The following TECR variants were observed in gnomAD, a reference collection of about 807,000 sequenced individuals.
TECR encodes the protein trans-2,3-enoyl-CoA reductase.
TECR carries 19 observed loss-of-function variants against 50.6 expected under a neutral mutation model. That is an observed-to-expected ratio of 0.38 (90% CI 0.26 to 0.55). The LOEUF (loss-of-function observed/expected upper bound fraction) is 0.55, where lower values mean the gene tolerates loss of function less well. Ranked by LOEUF, TECR falls within the 20% of genes least tolerant of loss-of-function variation. TECR has a pLI of 0.79. For missense variants in TECR, 313 were observed against 408.3 expected (o/e 0.77, Z 2.01); for synonymous variants, 168 against 163.5 (o/e 1.03, Z -0.21).
Position 14,545,506 on chromosome 19 carries a change from G to A in TECR, c.15+15795G>A, listed in dbSNP as rs115781502. 8.4e-3 allele frequency among the ~76,000 whole-genome samples: 1,282 copies of A among 152,254 alleles called. 11 individuals carry two copies. Among genetic ancestry groups the A allele is most frequent in the African/African-American group, 0.026 (1,098 of 41,532 alleles). On this transcript the variant is annotated intron_variant, in intron 1 of 12. Coordinates refer to ENST00000215567, the MANE Select transcript of TECR (RefSeq NM_138501.6). ...GTCCCCTTGAGCACCAGCAAGCCTA[G>A]GGGGTGGGGGGGATAGCCTCTCTCA...
upstream of TECR, among the ~76,000 whole-genome samples, chr19:14,528,460 G>C (rs548425981): frequency 6.6e-6 from 1 of 150,772 alleles, no homozygotes; most frequent in East Asian, 2.0e-4. Context: ...GGCTGGTCTC[G>C]AACTCCTCAC....
Position 14,565,653 on chromosome 19 carries a change from G to A in TECR, c.789G>A (p.Gln263=). Reference sequence around the variant, plus strand: ...GGATCGGTTTCGCCATCATGACGCAGTGTCTCCCAGGTGAGCCTGCCGCCC... The same window carrying A: ...GGATCGGTTTCGCCATCATGACGCAATGTCTCCCAGGTGAGCCTGCCGCCC... ...GSWIGFAIMT[Q]CLPVALFSLV... The change falls in exon 12 of 13, where the codon CAG becomes CAA. Residue 263 remains glutamine (Q), a synonymous_variant. Coordinates refer to ENST00000215567, the MANE Select transcript of TECR (RefSeq NM_138501.6). 1 of 1,612,550 alleles carries A rather than the reference G, an allele frequency of 6.2e-7. No individual in the cohort carries two copies. The highest frequency in any genetic ancestry group is 1.1e-5 in the South Asian group (1 of 91,042).
At chr19:14,559,631 C>CA (rs2073845251) in intron 1 of TECR, among the ~76,000 whole-genome samples, 3 of 152,006 alleles carry the variant, frequency 2.0e-5, no homozygotes. Flanking sequence ...TCCTAAAATA[C>CA]AAAAAATTAG....
At chr19:14,555,546 A>AGT (rs938613610) in intron 1 of TECR, among the ~76,000 whole-genome samples, 4 of 145,886 alleles carry the variant, frequency 2.7e-5, no homozygotes, top group Non-Finnish European at 5.9e-5. Flanking sequence ...CCTGGGTTTA[A>AGT]GTGATTCTTG....
chr19:14,534,756 C>T lies in TECR; in HGVS notation c.15+5045C>T, dbSNP rs537743642. The stretch of plus-strand genomic sequence containing the variant: ...CTTGCCCAGGGGTGAGTCTTATTAG[C>T]ACCTGATCAGATGGGAACTACTGTT... On this transcript the variant is annotated intron_variant, in intron 1 of 12. Coordinates refer to ENST00000215567, the MANE Select transcript of TECR (RefSeq NM_138501.6). 4.6e-5 allele frequency among the ~76,000 whole-genome samples: 7 copies of T among 152,200 alleles called. No homozygotes were observed. In the South Asian group the frequency reaches 1.5e-3, roughly 32 times the overall value.
In TECR at chr19:14,563,202, C is replaced by G; in HGVS notation, c.67-4C>G. The stretch of plus-strand genomic sequence containing the variant: ...TGACGTCCCTGCGCCTGTGCTTCCC[C>G]CAGGTGGAGCCCCACGCCACCATTG... On this transcript the variant is annotated splice_polypyrimidine_tract_variant and splice_region_variant and intron_variant, in intron 2 of 12. Coordinates refer to ENST00000215567, the MANE Select transcript of TECR (RefSeq NM_138501.6). This position sits in a 1 kb window ranked among gnomAD's most constrained non-coding sequence, Gnocchi z 5.3. 6.2e-7 allele frequency: 1 copy of G among 1,614,018 alleles called. No individual in the cohort carries two copies. The highest frequency in any genetic ancestry group is 8.5e-7 in the Non-Finnish European group (1 of 1,179,940).
chr19:14,542,391 CG>C (rs1337038983), intron 1 of TECR, among the ~76,000 whole-genome samples: 2 of 81,948 alleles, frequency 2.4e-5, no homozygotes, highest in East Asian at 8.1e-4. Context: ...GATGGAGTTT[CG>C]CTTTTGTGGC....
chr19:14,550,073 A>G (rs1389372003), intron 1 of TECR, among the ~76,000 whole-genome samples: 1 of 151,886 alleles, frequency 6.6e-6, no homozygotes, highest in Non-Finnish European at 1.5e-5. Context: ...GATTTATTTC[A>G]TTGTCACTCT....
At chr19:14,553,281 C>T (rs1367969540) in intron 1 of TECR, among the ~76,000 whole-genome samples, 2 of 152,144 alleles carry the variant, frequency 1.3e-5, no homozygotes, top group Non-Finnish European at 2.9e-5. Context: ...GCCTCGGATC[C>T]GAGAGCCCAG....
intron 1 of TECR, among the ~76,000 whole-genome samples, chr19:14,548,515 A>G (rs2073379782): frequency 6.6e-6 from 1 of 152,154 alleles, no homozygotes; most frequent in South Asian, 2.1e-4. Flanking sequence ...GGCAAACTTA[A>G]TCCAGCTAGC....
At chr19:14,549,427 A>G (rs957869995) in intron 1 of TECR, among the ~76,000 whole-genome samples, 1 of 151,754 alleles carries the variant, frequency 6.6e-6, no homozygotes, top group Non-Finnish European at 1.5e-5. Flanking sequence ...TGGCCAGGCT[A>G]GTCTTGAACT....
chr19:14,527,734 A>G (rs2072457998), upstream of TECR: 2 of 152,100 alleles, frequency 1.3e-5, no homozygotes, highest in Admixed American at 6.6e-5. Context: ...ACCTTTAAGG[A>G]CTTCTCATCG....
intron 1 of TECR, among the ~76,000 whole-genome samples, chr19:14,553,146 C>T (rs546031358): frequency 2.6e-5 from 4 of 152,220 alleles, no homozygotes; most frequent in South Asian, 2.1e-4. Flanking sequence ...GCCAGGAGCT[C>T]GTGCGTCCGA....
intron 1 of TECR, among the ~76,000 whole-genome samples, chr19:14,559,289 T>C: frequency 6.6e-6 from 1 of 152,046 alleles, no homozygotes; most frequent in East Asian, 1.9e-4. Flanking sequence ...CCCAGAACAT[T>C]TTCCTCACTC....
At chr19:14,548,173 A>G (rs2073369618) in intron 1 of TECR, among the ~76,000 whole-genome samples, 1 of 151,920 alleles carries the variant, frequency 6.6e-6, no homozygotes, top group Non-Finnish European at 1.5e-5. Context: ...CGTGTTAGCC[A>G]GGATCGTGTC....
At chr19:14,548,864 C>T (rs1041885029) in intron 1 of TECR, among the ~76,000 whole-genome samples, 11 of 152,080 alleles carry the variant, frequency 7.2e-5, no homozygotes, top group South Asian at 2.1e-4. Flanking sequence ...CGGGAGCCAC[C>T]GCATCCAACC....
chr19:14,540,070 T>G (rs1371770080), intron 1 of TECR, among the ~76,000 whole-genome samples: 1 of 150,406 alleles, frequency 6.6e-6, no homozygotes, highest in African/African-American at 2.4e-5. Flanking sequence ...TTAATTTTTT[T>G]TTTTTTTGAG....
Position 14,529,644 on chromosome 19 carries a change from C to G in TECR, c.-53C>G, listed in dbSNP as rs772597119. On this transcript the variant is annotated 5_prime_UTR_variant, in exon 1 of 13. Transcript: ENST00000215567. ...GCGCTGTAGGGAGCCTGTGCTGTGC[C>G]GCGCAGTTAGGCAGCAGCAGCCGCG... is the stretch of plus-strand genomic sequence containing the variant. 1 of 1,613,554 alleles carries G rather than the reference C, an allele frequency of 6.2e-7. No individual in the cohort carries two copies. The highest frequency in any genetic ancestry group is 8.5e-7 in the Non-Finnish European group (1 of 1,179,760).
chr19:14,535,979 T>A (rs927902930), intron 1 of TECR, among the ~76,000 whole-genome samples: 1 of 152,008 alleles, frequency 6.6e-6, no homozygotes, highest in African/African-American at 2.4e-5. Flanking sequence ...AGCTTTGTAC[T>A]TAGGCCATTT....
Sources: gnomAD v4.1 joint callset for allele counts (sites outside exome capture counted in the v4.1 genomes callset) on GRCh38, gnomAD v4.1.1 for gene constraint, Gnocchi (gnomAD v3.1) non-coding constraint, MANE v1.5 for transcripts, NCBI Gene and HGNC (gene_info 2026-07-23, HGNC 2026-07-21) for gene names.